The following ANKS1B variants were observed in gnomAD, a reference collection of about 807,000 sequenced individuals.
The protein encoded by ANKS1B is ankyrin repeat and sterile alpha motif domain containing 1B, also known as ankyrin repeat and sterile alpha motif domain-containing protein 1B.
ANKS1B carries 36 observed loss-of-function variants against 148.3 expected under a neutral mutation model. The ratio of observed to expected loss-of-function variants is 0.24; its 90% CI spans 0.19 to 0.32. The LOEUF (loss-of-function observed/expected upper bound fraction) is 0.32, where lower values mean the gene tolerates loss of function less well. ANKS1B is among the 10% of genes least tolerant of loss of function. The probability of loss-of-function intolerance (pLI) is 1.00; values close to 1 mark genes in which losing one functional copy is unlikely to be tolerated. For missense variants in ANKS1B, 1,157 were observed against 1,542.6 expected, an observed-to-expected ratio of 0.75 and a Z score of 4.19; for synonymous variants, 542 against 560.8, an observed-to-expected ratio of 0.97 and a Z score of 0.47.
intron 17 of ANKS1B, among the ~76,000 whole-genome samples, chr12:98,928,757 A>G (rs777214868): frequency 1.8e-4 from 28 of 152,024 alleles, no homozygotes; most frequent in Admixed American, 4.6e-4. Context: ...GATAAAAATC[A>G]TTCAACAAAC....
intron 8 of ANKS1B, among the ~76,000 whole-genome samples, chr12:99,717,451 G>C (rs543279301): frequency 6.6e-6 from 1 of 152,288 alleles, no homozygotes; most frequent in Non-Finnish European, 1.5e-5. Flanking sequence ...CCTCCCCCAG[G>C]AGCTTGCTAC....
intron 14 of ANKS1B, among the ~76,000 whole-genome samples, chr12:99,220,782 G>A (rs764751456): frequency 6.6e-6 from 1 of 151,928 alleles, no homozygotes; most frequent in Non-Finnish European, 1.5e-5. Context: ...GGATGACAAG[G>A]ACTATTAATT....
At chr12:99,704,821 G>T (rs2153526639) in intron 8 of ANKS1B, among the ~76,000 whole-genome samples, 1 of 152,124 alleles carries the variant, frequency 6.6e-6, no homozygotes, top group South Asian at 2.1e-4. Context: ...AGACTTGGTA[G>T]GGAAAAATAT....
At chr12:99,930,668 G>A (rs2094590430) in intron 1 of ANKS1B, among the ~76,000 whole-genome samples, 1 of 152,126 alleles carries the variant, frequency 6.6e-6, no homozygotes, top group African/African-American at 2.4e-5. Flanking sequence ...AGTTAGAATG[G>A]CGATCATTAA....
chr12:99,432,921 T>C (rs2095401742), intron 11 of ANKS1B, among the ~76,000 whole-genome samples: 1 of 152,140 alleles, frequency 6.6e-6, no homozygotes. Context: ...TCAGATTATA[T>C]TGGATGTCAT....
chr12:99,850,286 T>TCC (rs752948280), intron 1 of ANKS1B, among the ~76,000 whole-genome samples: 9,494 of 140,290 alleles, frequency 0.068, 712 homozygotes, highest in South Asian at 0.13. Context: ...AGAAAGTCTC[T>TCC]CTCTCTCTCT....
intron 9 of ANKS1B, among the ~76,000 whole-genome samples, chr12:98,735,981 A>C (rs2097770767): frequency 6.6e-6 from 1 of 152,064 alleles, no homozygotes; most frequent in South Asian, 2.1e-4. Context: ...GCAGGTGCAG[A>C]CTCCAGTGGG....
At chr12:99,961,242 C>G (rs2095408934) in intron 1 of ANKS1B, among the ~76,000 whole-genome samples, 1 of 151,174 alleles carries the variant, frequency 6.6e-6, no homozygotes, top group Middle Eastern at 3.4e-3. Flanking sequence ...AAAAACAAAA[C>G]AAAACAAAAC....
At chr12:98,853,704 T>G (rs2099545556) in intron 17 of ANKS1B, among the ~76,000 whole-genome samples, 1 of 152,176 alleles carries the variant, frequency 6.6e-6, no homozygotes, top group Non-Finnish European at 1.5e-5. Context: ...TGTGGTTCCT[T>G]TCAGAATTTA....
intron 9 of ANKS1B, among the ~76,000 whole-genome samples, chr12:99,541,736 T>A (rs1229624352): frequency 6.6e-6 from 1 of 151,978 alleles, no homozygotes; most frequent in Non-Finnish European, 1.5e-5. Context: ...ACACCTGTAA[T>A]CACAGCTACT....
chr12:99,520,119 G>A (rs2096860764), intron 9 of ANKS1B, among the ~76,000 whole-genome samples: 1 of 152,086 alleles, frequency 6.6e-6, no homozygotes, highest in Non-Finnish European at 1.5e-5. Context: ...CAATTACAGT[G>A]CTATAATATT....
chr12:98,869,682 T>TACACACATACACAC (rs2099643212), intron 17 of ANKS1B, among the ~76,000 whole-genome samples: 3 of 151,636 alleles, frequency 2.0e-5, no homozygotes, highest in East Asian at 3.9e-4. Flanking sequence ...GTGGAATGCA[T>TACACACATACACAC]ACATATGTAT....
chr12:99,582,201 G>C (rs1188321609), intron 9 of ANKS1B, among the ~76,000 whole-genome samples: 3 of 151,858 alleles, frequency 2.0e-5, no homozygotes, highest in Non-Finnish European at 4.4e-5. Flanking sequence ...ACAATACCAA[G>C]TGATGGAAAT....
intron 1 of ANKS1B, among the ~76,000 whole-genome samples, chr12:99,912,724 ACTATTATTT>A (rs1024468753): frequency 3.3e-5 from 5 of 152,050 alleles, no homozygotes; most frequent in African/African-American, 1.2e-4. Context: ...AATTTTCCAG[ACTATTATTT>A]CTATTTGAAT....
intron 1 of ANKS1B, among the ~76,000 whole-genome samples, chr12:99,899,658 A>C (rs1190849226): frequency 6.6e-6 from 1 of 152,172 alleles, no homozygotes; most frequent in African/African-American, 2.4e-5. Context: ...ATATTCTTGC[A>C]GAAGATTGCC....
chr12:99,246,720 T>G lies in ANKS1B; in HGVS notation c.1901A>C (p.Lys634Thr), dbSNP rs755740964. 1.2e-6 allele frequency: 2 copies of G among 1,613,976 alleles called. No individual in the cohort carries two copies. The highest frequency in any genetic ancestry group is 3.3e-5 in the Admixed American group (2 of 60,000). ...TGCCAAACTGACTTCATCTTGTCCT[T>G]TTTCACATTGTTCTCTTTTCCCATA... ...HLYGKREQCE[K>T]GQDEVSLANS... Residue 634 changes from lysine (K) to threonine (T), a missense_variant, in exon 13 of 27, where the codon AAA becomes ACA. Physicochemically the swap from Lys to Thr is moderately conservative, Grantham distance 78 (BLOSUM62 -1). This residue lies in a region of ANKS1B where 661 missense variants were observed against 642.1 expected (regional missense o/e 1.03). Coordinates refer to ENST00000683438, the MANE Select transcript of ANKS1B (RefSeq NM_001352186.2).
Position 99,504,526 on chromosome 12 carries a change from G to C in ANKS1B, c.1388C>G (p.Thr463Arg). ...FLCDLMDTAV[T>R]KKPCSLEIAR... ...AATTTCTAAGGAGCAAGGTTTCTTT[G>C]TAACAGCTGTGTCCATGAGATCACA... The change falls in exon 10 of 27, where the codon ACA (threonine) becomes AGA (arginine). Residue 463 changes from threonine to arginine, a missense_variant. Transcript: ENST00000683438. 1 of 1,612,658 alleles carries C rather than the reference G, an allele frequency of 6.2e-7. No homozygotes were observed. Among genetic ancestry groups the C allele is most frequent in the Non-Finnish European group, 8.5e-7 (1 of 1,179,460 alleles).
intron 17 of ANKS1B, among the ~76,000 whole-genome samples, chr12:98,906,467 G>A (rs557785776): frequency 9.2e-5 from 14 of 152,306 alleles, no homozygotes; most frequent in African/African-American, 3.4e-4. Context: ...AAGCTGCAGG[G>A]CAGGAGTTTC....
intron 17 of ANKS1B, among the ~76,000 whole-genome samples, chr12:98,906,046 A>G (rs192431912): frequency 1.5e-3 from 230 of 152,334 alleles, no homozygotes; most frequent in African/African-American, 5.3e-3. Context: ...GGGAAGCCAC[A>G]TTAACTCTTT....
Sources: gnomAD v4.1 joint callset for allele counts (sites outside exome capture counted in the v4.1 genomes callset) on GRCh38, gnomAD v4.1.1 for gene constraint, gnomAD v4.1.1 regional missense constraint, MANE v1.5 for transcripts, NCBI Gene and HGNC (gene_info 2026-07-23, HGNC 2026-07-21) for gene names.